Variants in CNTN5 observed in about 807,000 individuals in gnomAD.
CNTN5 encodes contactin 5, also known as contactin-5.
In CNTN5, 77 loss-of-function variants were observed where a neutral mutation model predicts 129.1. The ratio of observed to expected loss-of-function variants is 0.60; its 90% CI spans 0.50 to 0.72. The LOEUF (loss-of-function observed/expected upper bound fraction) is 0.72. Among genes scored for constraint, CNTN5 ranks in the 30% least tolerant of loss-of-function variants. The pLI is 0.00. For synonymous variants in CNTN5, 509 were observed against 465.6 expected (o/e 1.09, Z -1.20); for missense variants, 1,478 against 1,328.8 (o/e 1.11, Z -1.75).
At chr11:99,079,247 A>T (rs1296663551) in intron 1 of CNTN5, among the ~76,000 whole-genome samples, 1 of 152,196 alleles carries the variant, frequency 6.6e-6, no homozygotes, top group Non-Finnish European at 1.5e-5. Flanking sequence ...GGATTCTAAG[A>T]TTCATCCTGA....
chr11:99,404,491 C>A (rs1203156651), intron 2 of CNTN5, among the ~76,000 whole-genome samples: 1 of 73,364 alleles, frequency 1.4e-5, no homozygotes, highest in Non-Finnish European at 2.3e-5. Context: ...GACTTAGTTT[C>A]TTGCTTTTTA....
intron 1 of CNTN5, among the ~76,000 whole-genome samples, chr11:99,288,570 C>T (rs1017514299): frequency 1.3e-5 from 2 of 151,820 alleles, no homozygotes; most frequent in Admixed American, 1.3e-4. Context: ...TCATTTATCA[C>T]ACTTTTTAAT....
At chr11:100,247,824 A>G (rs951065381) in intron 16 of CNTN5, among the ~76,000 whole-genome samples, 1 of 152,052 alleles carries the variant, frequency 6.6e-6, no homozygotes, top group African/African-American at 2.4e-5. Flanking sequence ...ATTTCTACAT[A>G]TCCTTTTCCA....
At chr11:99,590,976 C>A (rs930486273) in intron 3 of CNTN5, among the ~76,000 whole-genome samples, 2 of 152,022 alleles carry the variant, frequency 1.3e-5, no homozygotes, top group African/African-American at 4.8e-5. Flanking sequence ...ACTATACATG[C>A]AAATAATAAA....
intron 7 of CNTN5, among the ~76,000 whole-genome samples, chr11:99,916,713 T>C (rs1008004845): frequency 7.2e-5 from 11 of 152,168 alleles, no homozygotes; most frequent in African/African-American, 2.4e-4. Flanking sequence ...AACTAAGCTC[T>C]GCTCAGATTA....
intron 1 of CNTN5, among the ~76,000 whole-genome samples, chr11:99,320,707 T>C (rs1865532389): frequency 6.6e-6 from 1 of 152,222 alleles, no homozygotes; most frequent in Non-Finnish European, 1.5e-5. Context: ...AATATAGTTG[T>C]ACTGTTTAAG....
intron 1 of CNTN5, among the ~76,000 whole-genome samples, chr11:99,249,214 T>C (rs1385726265): frequency 6.6e-6 from 1 of 152,278 alleles, no homozygotes; most frequent in Non-Finnish European, 1.5e-5. Context: ...AGGTATTTTA[T>C]TCTCTTTGAA....
chr11:99,388,164 C>T (rs1056883110), intron 2 of CNTN5, among the ~76,000 whole-genome samples: 1 of 151,942 alleles, frequency 6.6e-6, no homozygotes, highest in Admixed American at 6.6e-5. Flanking sequence ...ATCTGTAATC[C>T]TAGCACTTTG....
chr11:100,098,145 AG>A, intron 13 of CNTN5, among the ~76,000 whole-genome samples: 1 of 152,176 alleles, frequency 6.6e-6, no homozygotes, highest in East Asian at 1.9e-4. Context: ...AGACTACTAC[AG>A]GACTTTAAAG....
At chr11:99,508,560 T>C (rs2656203) in intron 2 of CNTN5, among the ~76,000 whole-genome samples, 149,738 of 152,258 alleles carry the variant, frequency 0.98, 73,693 homozygotes, top group East Asian at 1. Flanking sequence ...GAGCCCTTCC[T>C]CAATGGATAA....
At chr11:99,609,389 C>T (rs965969900) in intron 3 of CNTN5, among the ~76,000 whole-genome samples, 2 of 152,132 alleles carry the variant, frequency 1.3e-5, no homozygotes, top group African/African-American at 4.8e-5. Flanking sequence ...CCTCATAATA[C>T]TAGTGGTTAT....
chr11:99,655,816 G>A lies in CNTN5; in HGVS notation c.55+99547G>A, dbSNP rs147103413. On this transcript the variant is annotated intron_variant, in intron 3 of 24. Transcript: ENST00000524871. Reference sequence around the variant, plus strand: ...TAATGAGGTAGTAGTAGAATAAAGAGGTAGGATGTAAAGACAGGAATAAAT... The same window carrying A: ...TAATGAGGTAGTAGTAGAATAAAGAAGTAGGATGTAAAGACAGGAATAAAT... Among the ~76,000 whole-genome samples, 335 of 151,938 alleles carry A rather than the reference G, an allele frequency of 2.2e-3. 3 individuals are homozygous for A. The highest frequency in any genetic ancestry group is 3.4e-3 in the Middle Eastern group (1 of 294).
intron 3 of CNTN5, among the ~76,000 whole-genome samples, chr11:99,763,994 ATATT>A (rs1231178716): frequency 6.6e-6 from 1 of 152,088 alleles, no homozygotes; most frequent in Non-Finnish European, 1.5e-5. Flanking sequence ...AATAACCATG[ATATT>A]TATATTATTT....
At chr11:99,229,916 A>AAT (rs1177684665) in intron 1 of CNTN5, among the ~76,000 whole-genome samples, 1 of 151,846 alleles carries the variant, frequency 6.6e-6, no homozygotes, top group Non-Finnish European at 1.5e-5. Flanking sequence ...TATAATGTGC[A>AAT]ATATATATAT....
chr11:99,687,069 AT>A (rs1182360295), intron 3 of CNTN5, among the ~76,000 whole-genome samples: 2 of 152,208 alleles, frequency 1.3e-5, no homozygotes, highest in East Asian at 3.9e-4. Context: ...GAAGAGCTCT[AT>A]TCAGGCTCTA....
intron 9 of CNTN5, among the ~76,000 whole-genome samples, chr11:100,042,958 ACTGTGCT>A (rs1229575453): frequency 4.6e-5 from 7 of 152,108 alleles, no homozygotes; most frequent in Non-Finnish European, 7.4e-5. Context: ...GAAAAACAGA[ACTGTGCT>A]CTTCCTTTCC....
chr11:99,913,570 A>T (rs1390228701), intron 6 of CNTN5, among the ~76,000 whole-genome samples: 2 of 152,060 alleles, frequency 1.3e-5, no homozygotes, highest in Non-Finnish European at 2.9e-5. Flanking sequence ...TTTTGCTTGT[A>T]TTAAAAGCTG....
At chr11:99,618,198 A>C (rs928868363) in intron 3 of CNTN5, among the ~76,000 whole-genome samples, 17 of 152,158 alleles carry the variant, frequency 1.1e-4, no homozygotes, top group Non-Finnish European at 2.4e-4. Flanking sequence ...GCTTCTATTA[A>C]GACTATATTA....
At chr11:99,075,487 T>C (rs1200076775) in intron 1 of CNTN5, among the ~76,000 whole-genome samples, 1 of 152,136 alleles carries the variant, frequency 6.6e-6, no homozygotes, top group Non-Finnish European at 1.5e-5. Flanking sequence ...TAAATGTAGA[T>C]AAAACAAATC....
Sources: allele counts gnomAD v4.1 joint callset (sites outside exome capture counted in the v4.1 genomes callset), GRCh38; gene constraint gnomAD v4.1.1; transcripts MANE v1.5; gene names NCBI Gene and HGNC (gene_info 2026-07-23, HGNC 2026-07-21).